The following MYLK4 variants were observed in gnomAD, a reference collection of about 807,000 sequenced individuals.
MYLK4 encodes the protein myosin light chain kinase family member 4.
In MYLK4, 46 loss-of-function variants were observed where a neutral mutation model predicts 48.1. That is an observed-to-expected ratio of 0.96 (90% CI 0.75 to 1.22). The LOEUF (loss-of-function observed/expected upper bound fraction) is 1.22. Ranked by LOEUF, MYLK4 falls within the 50% of genes most tolerant of loss-of-function variation. The pLI, the probability that MYLK4 is intolerant of heterozygous loss-of-function variation, is 0.00. For missense variants in MYLK4, 451 were observed against 486.1 expected (o/e 0.93, Z 0.68); for synonymous variants, 170 against 180.8 (o/e 0.94, Z 0.48).
chr6:2,766,286 C>G, the MYLK4 span: 422 of 1,596,762 alleles, frequency 2.6e-4, no homozygotes, highest in Non-Finnish European at 3.5e-4. Flanking sequence ...CCGACAGATG[C>G]TACAGGGCAA....
intron 6 of MYLK4, among the ~76,000 whole-genome samples, chr6:2,684,663 TAACAA>T (rs1761457267): frequency 6.6e-6 from 1 of 152,134 alleles, no homozygotes. Context: ...AAATACAGTA[TAACAA>T]CTGTATATGT....
intron 2 of MYLK4, among the ~76,000 whole-genome samples, chr6:2,697,767 C>T (rs1291004081): frequency 1.3e-5 from 2 of 152,176 alleles, no homozygotes; most frequent in East Asian, 3.8e-4. Flanking sequence ...CATCGTTTTC[C>T]GTGTTACTGC....
intron 12 of MYLK4, among the ~76,000 whole-genome samples, chr6:2,669,363 T>A (rs527559158): frequency 1.3e-5 from 2 of 152,348 alleles, no homozygotes; most frequent in South Asian, 4.1e-4. Context: ...TCCATCACAT[T>A]GGGTTCGAGG....
chr6:2,735,558 G>A (rs1763641510), intron 2 of MYLK4, among the ~76,000 whole-genome samples: 1 of 152,162 alleles, frequency 6.6e-6, no homozygotes, highest in Non-Finnish European at 1.5e-5. Context: ...GTACACAATT[G>A]AGAATGGACA....
intron 2 of MYLK4, among the ~76,000 whole-genome samples, chr6:2,748,853 A>C (rs541897739): frequency 6.6e-6 from 1 of 152,326 alleles, no homozygotes; most frequent in South Asian, 2.1e-4. Context: ...GCCCAAATCC[A>C]TCATGCTAAA....
intron 2 of MYLK4, among the ~76,000 whole-genome samples, chr6:2,748,762 G>A (rs1764186280): frequency 6.6e-6 from 1 of 152,186 alleles, no homozygotes; most frequent in South Asian, 2.1e-4. Context: ...TACCGCGTGA[G>A]GAACTCAAGA....
At chr6:2,758,456 T>C in the MYLK4 span, among the ~76,000 whole-genome samples, 5 of 151,762 alleles carry the variant, frequency 3.3e-5, no homozygotes, top group Non-Finnish European at 7.4e-5. Context: ...CAATAAAAGA[T>C]ATATGTATCT....
At chr6:2,763,709 G>A in the MYLK4 span, among the ~76,000 whole-genome samples, 5 of 152,250 alleles carry the variant, frequency 3.3e-5, no homozygotes, top group Non-Finnish European at 4.4e-5. Flanking sequence ...CCAGGAAAGA[G>A]CTCCCATAGT....
intron 2 of MYLK4, among the ~76,000 whole-genome samples, chr6:2,737,989 G>GGGA (rs796444548): frequency 5.5e-4 from 34 of 62,092 alleles, no homozygotes; most frequent in Non-Finnish European, 7.9e-4. Context: ...GGTGGGGGGG[G>GGGA]GGTGGTCAAT....
chr6:2,702,114 G>A lies in MYLK4; in HGVS notation c.160-9255C>T, dbSNP rs148273882. On this transcript the variant is annotated intron_variant, in intron 2 of 12. Coordinates refer to ENST00000274643, the MANE Select transcript of MYLK4 (RefSeq NM_001012418.5). Reference sequence around the variant, plus strand: ...AGACCCAGCACTGTGTGGAACATCCGTGAGCTGCTCAGGAGGCCCAGGACT... The same window carrying A: ...AGACCCAGCACTGTGTGGAACATCCATGAGCTGCTCAGGAGGCCCAGGACT... 1.1e-4 allele frequency among the ~76,000 whole-genome samples: 17 copies of A among 152,288 alleles called. No individual in the cohort carries two copies. The South Asian group carries it at 3.3e-3, about 30-fold the overall frequency.
chr6:2,740,868 G>A (rs1365121848), intron 2 of MYLK4, among the ~76,000 whole-genome samples: 1 of 152,194 alleles, frequency 6.6e-6, no homozygotes, highest in African/African-American at 2.4e-5. Context: ...ACAAATAAGT[G>A]AAAGGGCCAA....
intron 2 of MYLK4, among the ~76,000 whole-genome samples, chr6:2,697,627 C>T (rs1014062886): frequency 2.0e-5 from 3 of 152,204 alleles, no homozygotes; most frequent in Non-Finnish European, 4.4e-5. Context: ...AACTGAACAA[C>T]ATCGTCTAAT....
intron 2 of MYLK4, among the ~76,000 whole-genome samples, chr6:2,747,929 G>C (rs910621245): frequency 6.6e-6 from 1 of 152,048 alleles, no homozygotes; most frequent in Non-Finnish European, 1.5e-5. Context: ...TGAACTCATG[G>C]GGAAAGCAGA....
chr6:2,683,319 TA>T (rs1369009588), intron 6 of MYLK4, among the ~76,000 whole-genome samples, 157 bp from the exon 7 acceptor site: 1 of 152,128 alleles, frequency 6.6e-6, no homozygotes, highest in Admixed American at 6.5e-5. Flanking sequence ...AGATGATTCT[TA>T]TCTTGAAGGC....
At chr6:2,678,496 A>G in intron 9 of MYLK4, 124 bp from the exon 10 acceptor site, 2 of 1,071,950 alleles carry the variant, frequency 1.9e-6, no homozygotes, top group Non-Finnish European at 2.6e-6. Context: ...CCTGAAGCAT[A>G]ATTTTATAAC....
At chr6:2,688,818 G>T in intron 4 of MYLK4, 33 bp downstream of exon 4, 1 of 1,557,004 alleles carries the variant, frequency 6.4e-7, no homozygotes, top group Non-Finnish European at 8.9e-7. Flanking sequence ...CTCTTCTTTT[G>T]TTGAGAGAAT....
At chr6:2,738,424 G>C (rs1425073311) in intron 2 of MYLK4, among the ~76,000 whole-genome samples, 1 of 152,226 alleles carries the variant, frequency 6.6e-6, no homozygotes, top group Non-Finnish European at 1.5e-5. Flanking sequence ...ATGCATGAGG[G>C]AATCATTAGT....
intron 2 of MYLK4, among the ~76,000 whole-genome samples, chr6:2,731,358 C>T (rs1322117040): frequency 6.6e-6 from 1 of 152,146 alleles, no homozygotes; most frequent in African/African-American, 2.4e-5. Context: ...TAAGGGGCCC[C>T]AGTTTCTCTG....
At chr6:2,683,286 C>T in intron 6 of MYLK4, 124 bp from the exon 7 acceptor site, 1 of 1,029,906 alleles carries the variant, frequency 9.7e-7, no homozygotes, top group South Asian at 1.5e-5. Context: ...AGTTATTTCT[C>T]TGCCTTCTTT....
Sources: gnomAD v4.1 joint callset for allele counts (sites outside exome capture counted in the v4.1 genomes callset) on GRCh38, gnomAD v4.1.1 for gene constraint, MANE v1.5 for transcripts, NCBI Gene and HGNC (gene_info 2026-07-23, HGNC 2026-07-21) for gene names.